Variants in KCNQ5 observed in about 807,000 individuals in gnomAD.
The protein encoded by KCNQ5 is potassium voltage-gated channel subfamily Q member 5.
KCNQ5 carries 30 observed loss-of-function variants against 98.2 expected under a neutral mutation model. The ratio of observed to expected loss-of-function variants is 0.31; its 90% CI spans 0.23 to 0.41. The LOEUF (loss-of-function observed/expected upper bound fraction) is 0.41. Among genes scored for constraint, KCNQ5 ranks in the 10% least tolerant of loss-of-function variants. The pLI, the probability that KCNQ5 is intolerant of heterozygous loss-of-function variation, is 1.00. For missense variants in KCNQ5, 835 were observed against 1,182.5 expected (o/e 0.71, Z 4.31); for synonymous variants, 458 against 449.4 (o/e 1.02, Z -0.24).
chr6:72,943,255 A>G (rs758876124), intron 1 of KCNQ5, among the ~76,000 whole-genome samples: 3 of 152,184 alleles, frequency 2.0e-5, no homozygotes, highest in Non-Finnish European at 2.9e-5. Flanking sequence ...ATATATCCTA[A>G]ACTACAAGCT....
At chr6:72,677,585 A>G (rs1205876638) in intron 1 of KCNQ5, among the ~76,000 whole-genome samples, 1 of 152,166 alleles carries the variant, frequency 6.6e-6, no homozygotes, top group Non-Finnish European at 1.5e-5. Flanking sequence ...GAAGAACTTG[A>G]CTATTTTTAA....
intron 1 of KCNQ5, among the ~76,000 whole-genome samples, chr6:72,662,339 G>C (rs1766569738): frequency 6.6e-6 from 1 of 151,960 alleles, no homozygotes; most frequent in African/African-American, 2.4e-5. Context: ...ATAAAATTTT[G>C]TACTTTCCTT....
At chr6:73,102,354 A>T (rs1774818794) in intron 5 of KCNQ5, among the ~76,000 whole-genome samples, 1 of 152,182 alleles carries the variant, frequency 6.6e-6, no homozygotes, top group Admixed American at 6.5e-5. Flanking sequence ...GTAATATCCC[A>T]CAAGCACAGT....
chr6:73,025,623 C>CAAAAAAAAAAAAAAAAAAAAAAAAAAA (rs58607159), intron 2 of KCNQ5, among the ~76,000 whole-genome samples: 3 of 53,004 alleles, frequency 5.7e-5, no homozygotes, highest in Non-Finnish European at 1.1e-4. Flanking sequence ...AACTCCATCT[C>CAAAAAAAAAAAAAAAAAAAAAAAAAAA]AAAAAAAAAA....
chr6:72,676,982 G>A (rs1215746284), intron 1 of KCNQ5: 1 of 152,038 alleles, frequency 6.6e-6, no homozygotes, highest in Non-Finnish European at 1.5e-5. Context: ...GTATATGTAT[G>A]TATGTATGTT....
chr6:72,935,800 A>G (rs1765889524), intron 1 of KCNQ5, among the ~76,000 whole-genome samples: 1 of 152,052 alleles, frequency 6.6e-6, no homozygotes, highest in Non-Finnish European at 1.5e-5. Context: ...GCCAAATTCA[A>G]AATCCTCACT....
intron 1 of KCNQ5, among the ~76,000 whole-genome samples, chr6:72,719,717 G>A (rs1347286046): frequency 6.6e-6 from 1 of 152,110 alleles, no homozygotes; most frequent in African/African-American, 2.4e-5. Flanking sequence ...TTGCCTCTCT[G>A]GTAACTCCTT....
intron 1 of KCNQ5, among the ~76,000 whole-genome samples, chr6:72,934,774 A>G (rs951215602): frequency 5.3e-5 from 8 of 151,696 alleles, no homozygotes; most frequent in African/African-American, 1.5e-4. Context: ...ATGTTTTTTC[A>G]CTCCACTGAT....
intron 10 of KCNQ5, among the ~76,000 whole-genome samples, chr6:73,150,774 A>G (rs1452446387): frequency 6.6e-6 from 1 of 150,852 alleles, no homozygotes; most frequent in Non-Finnish European, 1.5e-5. Flanking sequence ...ATCACATATC[A>G]TTAATTATTA....
At chr6:73,180,781 C>T (rs542620643) in intron 11 of KCNQ5, among the ~76,000 whole-genome samples, 1 of 152,188 alleles carries the variant, frequency 6.6e-6, no homozygotes, top group African/African-American at 2.4e-5. Flanking sequence ...CAAAGAGCAG[C>T]CAAGCTTGGG....
chr6:73,054,567 A>C (rs1054842157), intron 3 of KCNQ5, among the ~76,000 whole-genome samples: 1 of 152,230 alleles, frequency 6.6e-6, no homozygotes, highest in African/African-American at 2.4e-5. Context: ...GTGATTCATC[A>C]CATAAACAGA....
intron 9 of KCNQ5, among the ~76,000 whole-genome samples, chr6:73,131,238 T>G (rs1429583595): frequency 3.9e-5 from 6 of 152,164 alleles, no homozygotes; most frequent in African/African-American, 1.4e-4. Context: ...TGTTTTTACT[T>G]TTTTAGTAAT....
chr6:72,622,663 C>G lies in KCNQ5; in HGVS notation c.398+76C>G, dbSNP rs1233162128. On this transcript the variant is annotated intron_variant, in intron 1 of 13. Transcript: ENST00000370398. This position sits in a 1 kb window ranked among gnomAD's most constrained non-coding sequence, Gnocchi z 6.0. ...GGCCCCCTGGGGCGTGCTCCGCGCTCGCGCCCTTGGGCCCCCGCGCGCGTG... is the reference window on the plus strand; with the variant it reads ...GGCCCCCTGGGGCGTGCTCCGCGCTGGCGCCCTTGGGCCCCCGCGCGCGTG... The G allele has an allele frequency of 3.9e-6, 6 of 1,545,140 alleles. No homozygotes were observed. Among genetic ancestry groups the G allele is most frequent in the Non-Finnish European group, 3.5e-6 (4 of 1,138,736 alleles).
intron 1 of KCNQ5, among the ~76,000 whole-genome samples, chr6:72,776,496 T>C (rs1299049232): frequency 6.6e-6 from 1 of 152,180 alleles, no homozygotes; most frequent in Non-Finnish European, 1.5e-5. Flanking sequence ...TTGTTAGTAA[T>C]TATGGACTAT....
chr6:72,751,305 A>G (rs540652665), intron 1 of KCNQ5, among the ~76,000 whole-genome samples: 1 of 138,426 alleles, frequency 7.2e-6, no homozygotes, highest in Middle Eastern at 3.5e-3. Context: ...TGTGATTTGG[A>G]CTCAAAATGA....
chr6:73,059,216 T>C (rs925572374), intron 3 of KCNQ5, among the ~76,000 whole-genome samples: 6 of 152,130 alleles, frequency 3.9e-5, no homozygotes, highest in African/African-American at 1.4e-4. Flanking sequence ...ATATACACCA[T>C]AAATACTACA....
intron 1 of KCNQ5, among the ~76,000 whole-genome samples, chr6:72,929,116 C>T (rs1029534655): frequency 2.0e-5 from 3 of 152,102 alleles, no homozygotes; most frequent in African/African-American, 7.2e-5. Context: ...AGAGGTTCCT[C>T]ATAACTAGCT....
At chr6:72,795,633 T>G (rs2154478399) in intron 1 of KCNQ5, among the ~76,000 whole-genome samples, 1 of 152,260 alleles carries the variant, frequency 6.6e-6, no homozygotes, top group African/African-American at 2.4e-5. Flanking sequence ...TGCAAAATAC[T>G]AGGTGGGAGT....
Position 73,024,306 on chromosome 6 carries a change from AT to A in KCNQ5, c.490-17629del, listed in dbSNP as rs202237589. On this transcript the variant is annotated intron_variant, in intron 2 of 13. Transcript: ENST00000370398. Reference sequence around the variant, plus strand: ...GGACAAGGTAATTAAACAAAAAAAAATAACCTTAGGTTACCCACATATGTGA... The same window carrying A: ...GGACAAGGTAATTAAACAAAAAAAAAAACCTTAGGTTACCCACATATGTGA... Among the ~76,000 whole-genome samples, 759 of 147,934 alleles carry A rather than the reference AT, an allele frequency of 5.1e-3. 8 individuals are homozygous for A. Among genetic ancestry groups the A allele is most frequent in the African/African-American group, 0.018 (718 of 40,172 alleles).
Sources: allele counts gnomAD v4.1 joint callset (sites outside exome capture counted in the v4.1 genomes callset), GRCh38; gene constraint gnomAD v4.1.1; non-coding constraint Gnocchi (gnomAD v3.1); transcripts MANE v1.5; gene names NCBI Gene and HGNC (gene_info 2026-07-23, HGNC 2026-07-21).